The following CTNNA3 variants were observed in gnomAD, a reference collection of about 807,000 sequenced individuals.
CTNNA3 encodes the protein catenin alpha 3.
In CTNNA3, 76 loss-of-function variants were observed where a neutral mutation model predicts 95.7. That is an observed-to-expected ratio of 0.79 (90% CI 0.66 to 0.96). The LOEUF (loss-of-function observed/expected upper bound fraction) is 0.96, where lower values mean the gene tolerates loss of function less well. CTNNA3 is among the 40% of genes least tolerant of loss of function. CTNNA3 has a pLI of 0.00. For synonymous variants in CTNNA3, 431 were observed against 374.4 expected (o/e 1.15, Z -1.74); for missense variants, 1,191 against 1,089.8 (o/e 1.09, Z -1.31).
chr10:66,307,569 T>C (rs1341283478), intron 12 of CTNNA3, among the ~76,000 whole-genome samples: 1 of 152,184 alleles, frequency 6.6e-6, no homozygotes, highest in Non-Finnish European at 1.5e-5. Flanking sequence ...AAATTCTGAT[T>C]TGCTATTTTC....
At chr10:67,504,681 T>C (rs1376446103) in intron 5 of CTNNA3, among the ~76,000 whole-genome samples, 1 of 152,164 alleles carries the variant, frequency 6.6e-6, no homozygotes, top group African/African-American at 2.4e-5. Flanking sequence ...ATTCCTTCCC[T>C]GGATAAACAT....
chr10:66,903,405 A>C (rs908789827), intron 7 of CTNNA3, among the ~76,000 whole-genome samples: 6 of 152,302 alleles, frequency 3.9e-5, no homozygotes, highest in African/African-American at 1.4e-4. Context: ...TTTATGACAA[A>C]CCCACAGCCA....
At chr10:67,670,349 G>C (rs1331390340) in intron 1 of CTNNA3, among the ~76,000 whole-genome samples, 1 of 152,068 alleles carries the variant, frequency 6.6e-6, no homozygotes, top group Non-Finnish European at 1.5e-5. Context: ...TACTGATTTT[G>C]CATAATAGAA....
intron 7 of CTNNA3, among the ~76,000 whole-genome samples, chr10:66,803,637 C>A (rs772818732): frequency 6.6e-6 from 1 of 152,000 alleles, no homozygotes; most frequent in African/African-American, 2.4e-5. Context: ...GAGACAAGCA[C>A]CTTGCATAAA....
At position 67,368,896 on chromosome 10, in the gene CTNNA3, A is replaced by G. The variant is rs145825213; in HGVS notation, c.580-149026T>C. 2.0e-5 allele frequency among the ~76,000 whole-genome samples: 3 copies of G among 152,312 alleles called. No homozygotes were observed. In the East Asian group the frequency reaches 5.8e-4, roughly 29 times the overall value. On this transcript the variant is annotated intron_variant, in intron 5 of 17. Transcript: ENST00000433211. ...GAGGCAGAAAAGGGAAACATTGCAG[A>G]CGGGCAAGAGAAAACTTTAGGGAGA...
intron 10 of CTNNA3, among the ~76,000 whole-genome samples, chr10:66,615,799 C>T (rs1589500652): frequency 1.3e-5 from 2 of 152,060 alleles, no homozygotes; most frequent in Middle Eastern, 3.4e-3. Flanking sequence ...TCCCTCTCAA[C>T]TCCTGATGAC....
intron 7 of CTNNA3, among the ~76,000 whole-genome samples, chr10:66,816,143 T>A (rs1247334288): frequency 6.6e-6 from 1 of 152,184 alleles, no homozygotes; most frequent in Non-Finnish European, 1.5e-5. Context: ...TTCCATAATT[T>A]AATGTGTTAA....
rs927896520 is a variant in CTNNA3, at chr10:66,313,247, T to C, written c.1733-32626A>G. 3.3e-5 allele frequency among the ~76,000 whole-genome samples: 5 copies of C among 152,260 alleles called. No individual in the cohort carries two copies. In the South Asian group the frequency reaches 1.0e-3, roughly 32 times the overall value. On this transcript the variant is annotated intron_variant, in intron 12 of 17. Transcript: ENST00000433211. ...GAAGCTCAAATAAGATTAAAACCAG[T>C]ACCAAGATAGATAGCTAGTAAGTGA...
At chr10:65,970,220 CA>C (rs1400937235) in intron 16 of CTNNA3, among the ~76,000 whole-genome samples, 1 of 152,038 alleles carries the variant, frequency 6.6e-6, no homozygotes, top group Non-Finnish European at 1.5e-5. Flanking sequence ...TCCAGACAAA[CA>C]AGCACTAAAA....
chr10:67,720,541 G>A (rs923946323), intron 1 of CTNNA3, among the ~76,000 whole-genome samples: 15 of 151,960 alleles, frequency 9.9e-5, no homozygotes, highest in South Asian at 2.1e-4. Flanking sequence ...CTCTTGTTAC[G>A]CAGCCCTGGT....
chr10:66,328,424 T>C (rs1382085171), intron 12 of CTNNA3, among the ~76,000 whole-genome samples: 1 of 152,040 alleles, frequency 6.6e-6, no homozygotes, highest in African/African-American at 2.4e-5. Flanking sequence ...GGTACCTAGC[T>C]GTGATGTTAT....
At chr10:67,131,565 C>T (rs753732461) in intron 7 of CTNNA3, among the ~76,000 whole-genome samples, 7 of 152,140 alleles carry the variant, frequency 4.6e-5, no homozygotes, top group East Asian at 1.9e-4. Context: ...TGCAGTGATG[C>T]TATATAAAAT....
intron 9 of CTNNA3, among the ~76,000 whole-genome samples, chr10:66,735,475 A>G (rs572072134): frequency 1.1e-3 from 171 of 152,132 alleles, no homozygotes; most frequent in African/African-American, 4.1e-3. Flanking sequence ...ACCTTCAAAC[A>G]TACTAAGATT....
intron 5 of CTNNA3, among the ~76,000 whole-genome samples, chr10:67,359,828 T>C (rs1423903811): frequency 6.6e-6 from 1 of 152,044 alleles, no homozygotes; most frequent in African/African-American, 2.4e-5. Context: ...GAAGTCAACA[T>C]GCAATCCCAA....
intron 7 of CTNNA3, among the ~76,000 whole-genome samples, chr10:66,822,185 T>C (rs1842327044): frequency 6.6e-6 from 1 of 150,974 alleles, no homozygotes; most frequent in Non-Finnish European, 1.5e-5. Flanking sequence ...ATTTTAGCAA[T>C]ATAAATAATT....
chr10:67,287,225 C>A (rs369370344), intron 5 of CTNNA3, among the ~76,000 whole-genome samples: 70 of 152,156 alleles, frequency 4.6e-4, no homozygotes, highest in African/African-American at 1.6e-3. Context: ...GTAGTCCCAG[C>A]TACTTGGGAA....
intron 15 of CTNNA3, among the ~76,000 whole-genome samples, chr10:66,014,906 C>T (rs2079064791): frequency 6.6e-6 from 1 of 151,930 alleles, no homozygotes; most frequent in Admixed American, 6.6e-5. Flanking sequence ...AGAGCGAGAC[C>T]ATCCTGGCCA....
rs1842833818 is a variant in CTNNA3, at chr10:66,570,358, A to G, written c.1375-49585T>C. Among the ~76,000 whole-genome samples the G allele has an allele frequency of 2.6e-5, 4 of 151,976 alleles. No homozygotes were observed. In the South Asian group the frequency reaches 8.3e-4, roughly 32 times the overall value. The stretch of plus-strand genomic sequence containing the variant: ...GGCTGGAGTGCAGTGGTGCAATCTC[A>G]GCTCACTGCAACCTCTGCCTCCCGG... On this transcript the variant is annotated intron_variant, in intron 10 of 17. Coordinates refer to ENST00000433211, the MANE Select transcript of CTNNA3 (RefSeq NM_013266.4).
chr10:66,787,719 A>G (rs570719690), intron 7 of CTNNA3, among the ~76,000 whole-genome samples: 18 of 152,324 alleles, frequency 1.2e-4, no homozygotes, highest in Admixed American at 1.1e-3. Flanking sequence ...TTTCATTTCA[A>G]CCAGCAAGAT....
Sources: allele counts gnomAD v4.1 joint callset (sites outside exome capture counted in the v4.1 genomes callset), GRCh38; gene constraint gnomAD v4.1.1; transcripts MANE v1.5; gene names NCBI Gene and HGNC (gene_info 2026-07-23, HGNC 2026-07-21).